The following PRKN variants were observed in gnomAD, a reference collection of about 807,000 sequenced individuals.
PRKN encodes the protein E3 ubiquitin-protein ligase parkin.
PRKN carries 56 observed loss-of-function variants against 59.5 expected under a neutral mutation model. The observed-to-expected ratio is 0.94, with a 90% confidence interval of 0.76 to 1.18. PRKN has a LOEUF of 1.18. PRKN is among the 50% of genes most tolerant of loss of function. The probability of loss-of-function intolerance (pLI) is 0.00; values close to 1 mark genes in which losing one functional copy is unlikely to be tolerated. For missense variants in PRKN, 657 were observed against 596.4 expected, an observed-to-expected ratio of 1.10 and a Z score of -1.06; for synonymous variants, 250 against 222.1, an observed-to-expected ratio of 1.13 and a Z score of -1.12.
intron 2 of PRKN, among the ~76,000 whole-genome samples, chr6:162,265,021 A>G (rs577146840): frequency 3.3e-4 from 50 of 152,036 alleles, no homozygotes; most frequent in Non-Finnish European, 5.6e-4. Context: ...CCCACATCTG[A>G]TATCGCCATA....
At chr6:161,908,214 A>G (rs906019316) in intron 6 of PRKN, among the ~76,000 whole-genome samples, 7 of 152,350 alleles carry the variant, frequency 4.6e-5, no homozygotes, top group Admixed American at 1.3e-4. Flanking sequence ...GGAACCGTCA[A>G]TGACCTGGGG....
chr6:162,568,150 C>G (rs1400418387), intron 1 of PRKN, among the ~76,000 whole-genome samples: 2 of 152,140 alleles, frequency 1.3e-5, no homozygotes, highest in African/African-American at 4.8e-5. Context: ...AAACCTCAAA[C>G]TATGAAATTA....
intron 1 of PRKN, among the ~76,000 whole-genome samples, chr6:162,551,172 G>A (rs939935003): frequency 1.3e-5 from 2 of 152,122 alleles, no homozygotes; most frequent in Non-Finnish European, 2.9e-5. Flanking sequence ...GTCTGCCAGT[G>A]AAACAGCCCA....
chr6:161,731,081 T>C (rs1485334201), intron 7 of PRKN, among the ~76,000 whole-genome samples: 1 of 152,238 alleles, frequency 6.6e-6, no homozygotes, highest in African/African-American at 2.4e-5. Flanking sequence ...CTTTCTGATA[T>C]GTTGCATTCT....
chr6:162,549,382 A>C (rs1397029259), intron 1 of PRKN, among the ~76,000 whole-genome samples: 4 of 152,192 alleles, frequency 2.6e-5, no homozygotes, highest in Non-Finnish European at 5.9e-5. Context: ...AAACAGAAAA[A>C]TGCTTGGTAG....
chr6:161,890,081 T>G (rs1795286148), intron 6 of PRKN, among the ~76,000 whole-genome samples: 1 of 152,148 alleles, frequency 6.6e-6, no homozygotes, highest in Admixed American at 6.5e-5. Context: ...GCTCCCAACT[T>G]CTATTATTCT....
intron 2 of PRKN, among the ~76,000 whole-genome samples, chr6:162,371,964 C>G (rs1452154660): frequency 2.6e-5 from 4 of 152,114 alleles, no homozygotes; most frequent in African/African-American, 4.8e-5. Flanking sequence ...GATTATTTTG[C>G]TCCAGCACCT....
At chr6:161,865,992 C>T (rs866744248) in intron 6 of PRKN, among the ~76,000 whole-genome samples, 1 of 152,132 alleles carries the variant, frequency 6.6e-6, no homozygotes, top group Non-Finnish European at 1.5e-5. Context: ...ATGCAATTTT[C>T]CTTTCACTTA....
At chr6:162,429,346 C>A (rs1015161702) in intron 2 of PRKN, among the ~76,000 whole-genome samples, 1 of 152,072 alleles carries the variant, frequency 6.6e-6, no homozygotes, top group Non-Finnish European at 1.5e-5. Flanking sequence ...AGAAAAGGGA[C>A]CTTGTCTGTC....
chr6:161,627,519 C>T (rs1488342134), intron 7 of PRKN, among the ~76,000 whole-genome samples: 3 of 152,178 alleles, frequency 2.0e-5, no homozygotes, highest in African/African-American at 7.2e-5. Flanking sequence ...TCATAAAGCC[C>T]ATCGCCAGAC....
intron 2 of PRKN, among the ~76,000 whole-genome samples, chr6:162,372,092 C>G (rs1230033421): frequency 6.6e-6 from 1 of 152,204 alleles, no homozygotes; most frequent in Non-Finnish European, 1.5e-5. Flanking sequence ...CTGGCCTCCT[C>G]CTGAAGGACA....
At position 161,499,684 on chromosome 6, in the gene PRKN, A is replaced by G. The variant is rs1442237915; in HGVS notation, c.1083+49170T>C. Among the ~76,000 whole-genome samples, 1 of 152,224 alleles carries G rather than the reference A, an allele frequency of 6.6e-6. No homozygotes were observed. Among genetic ancestry groups the G allele is most frequent in the African/African-American group, 2.4e-5 (1 of 41,454 alleles). ...GGTGGTGGTGGTTTCTGCATTTTCC[A>G]TAAGTAACCCTTTCCCTTGACAATT... On this transcript the variant is annotated intron_variant, in intron 9 of 11. Transcript: ENST00000366898. This position sits in a 1 kb window ranked among gnomAD's most constrained non-coding sequence, Gnocchi z 4.2.
intron 6 of PRKN, among the ~76,000 whole-genome samples, chr6:161,881,640 T>C (rs1794940279): frequency 6.6e-6 from 1 of 152,084 alleles, no homozygotes; most frequent in Admixed American, 6.6e-5. Context: ...CTTAATCGTC[T>C]CTAAGAAAAC....
At chr6:161,874,620 T>C (rs1376485849) in intron 6 of PRKN, among the ~76,000 whole-genome samples, 5 of 105,430 alleles carry the variant, frequency 4.7e-5, no homozygotes, top group Non-Finnish European at 8.1e-5. Context: ...ACATATAATA[T>C]GTGTAATATA....
intron 3 of PRKN, among the ~76,000 whole-genome samples, chr6:162,201,969 C>A (rs1462059586): frequency 6.6e-6 from 1 of 152,176 alleles, no homozygotes; most frequent in Admixed American, 6.5e-5. Context: ...CATATAGGGA[C>A]ACTCTGTAAA....
At chr6:162,518,727 T>C (rs773016703) in intron 1 of PRKN, among the ~76,000 whole-genome samples, 2 of 152,164 alleles carry the variant, frequency 1.3e-5, no homozygotes, top group Non-Finnish European at 2.9e-5. Context: ...ATTTAGCATG[T>C]TTCATTCTAA....
chr6:161,701,189 G>A (rs779800095), intron 7 of PRKN, among the ~76,000 whole-genome samples: 1 of 152,168 alleles, frequency 6.6e-6, no homozygotes, highest in Non-Finnish European at 1.5e-5. Context: ...CCTGTACTTG[G>A]CTCACTGTGC....
chr6:162,158,223 A>G (rs1782604241), intron 4 of PRKN, among the ~76,000 whole-genome samples: 1 of 152,016 alleles, frequency 6.6e-6, no homozygotes, highest in African/African-American at 2.4e-5. Flanking sequence ...GTTCTAAATA[A>G]TAAATTCAGT....
rs1789399364 is a variant in PRKN at position 161,444,580 on chromosome 6, T to TA, written c.1084-57704dup. On this transcript the variant is annotated intron_variant, in intron 9 of 11. Transcript: ENST00000366898. The surrounding 1 kb of genome is among the most constrained non-coding windows in gnomAD (Gnocchi z 5.6). ...GAGCAGGCATTCAGTCAGCAAATAT[T>TA]AATTGACGTGGTGAGGTTGTGCTCT... Among the ~76,000 whole-genome samples, 1 of 152,202 alleles carries TA rather than the reference T, an allele frequency of 6.6e-6. No individual in the cohort carries two copies. The highest frequency in any genetic ancestry group is 6.5e-5 in the Admixed American group (1 of 15,286).
Sources: gnomAD v4.1 joint callset for allele counts (sites outside exome capture counted in the v4.1 genomes callset) on GRCh38, gnomAD v4.1.1 for gene constraint, Gnocchi (gnomAD v3.1) non-coding constraint, MANE v1.5 for transcripts, NCBI Gene and HGNC (gene_info 2026-07-23, HGNC 2026-07-21) for gene names.